The following WWC2 variants were observed in gnomAD, a reference collection of about 807,000 sequenced individuals.
The protein encoded by WWC2 is WW and C2 domain containing 2.
Under a neutral mutation model 138.5 loss-of-function variants are expected in WWC2, and 101 were observed. The observed-to-expected ratio is 0.73, with a 90% CI of 0.62 to 0.86. WWC2 has a LOEUF of 0.86. WWC2 is among the 40% of genes least tolerant of loss of function. The pLI is 0.00. For synonymous variants in WWC2, 558 were observed against 538.4 expected (o/e 1.04, Z -0.50); for missense variants, 1,420 against 1,419.4 (o/e 1.00, Z -0.01).
In WWC2 at chr4:183,243,736, ACTGTGTGTGTGTGT is replaced by A. The variant is rs1317507865; in HGVS notation, c.603-1679_603-1666del. Reference sequence around the variant, plus strand: ...TTTAGGGGCCCTCCCCATTCTAAACACTGTGTGTGTGTGTGTGTGTGTGTGTGTGTGTGTGTGTG... The same window carrying A: ...TTTAGGGGCCCTCCCCATTCTAAACAGTGTGTGTGTGTGTGTGTGTGTGTG... On this transcript the variant is annotated intron_variant, in intron 5 of 22. Coordinates refer to ENST00000403733, the MANE Select transcript of WWC2 (RefSeq NM_024949.6). Among the ~76,000 whole-genome samples, 422 of 115,300 alleles carry A rather than the reference ACTGTGTGTGTGTGT, an allele frequency of 3.7e-3. 3 individuals are homozygous for A. The highest frequency in any genetic ancestry group is 0.014 in the African/African-American group (398 of 29,368). 75.6% of individuals were successfully genotyped at this position (115,300 alleles called of 152,430 possible). A position where few individuals can be genotyped will look rare whatever the true frequency, so the allele number is the denominator to read the frequency against.
intron 2 of WWC2, among the ~76,000 whole-genome samples, chr4:183,203,192 T>A (rs1040778029): frequency 1.4e-5 from 2 of 147,898 alleles, no homozygotes; most frequent in South Asian, 2.2e-4. Flanking sequence ...TTTTTTTTTT[T>A]AAACTTTCAT....
At position 183,254,195 on chromosome 4, in the gene WWC2, G is replaced by A. The variant is rs138520070; in HGVS notation, c.1196+196G>A. On this transcript the variant is annotated intron_variant, in intron 9 of 22. Transcript: ENST00000403733. Reference sequence around the variant, plus strand: ...AGGATAAGTTCTGTGTTTTAGGAACGTGCAAAACCTGTGACAGATGTTGAA... The same window carrying A: ...AGGATAAGTTCTGTGTTTTAGGAACATGCAAAACCTGTGACAGATGTTGAA... Among the ~76,000 whole-genome samples, 360 of 152,304 alleles carry A rather than the reference G, an allele frequency of 2.4e-3. 2 individuals are homozygous for A. Among genetic ancestry groups the A allele is most frequent in the African/African-American group, 8.0e-3 (333 of 41,564 alleles).
At chr4:183,219,813 G>T (rs1735871416) in intron 4 of WWC2, among the ~76,000 whole-genome samples, 1 of 152,044 alleles carries the variant, frequency 6.6e-6, no homozygotes, top group African/African-American at 2.4e-5. Flanking sequence ...ATCCTCCAAG[G>T]TTTTCCCCTC....
intron 7 of WWC2, 82 bp from the exon 8 acceptor site, chr4:183,249,838 A>C (rs375438927): frequency 6.2e-6 from 7 of 1,134,752 alleles, no homozygotes; most frequent in South Asian, 2.9e-5. Context: ...TTTCAATTAC[A>C]CATACTTCCC....
intron 1 of WWC2, among the ~76,000 whole-genome samples, chr4:183,159,283 T>G (rs1268546969): frequency 6.6e-6 from 1 of 152,216 alleles, no homozygotes; most frequent in Non-Finnish European, 1.5e-5. Context: ...ATTTATGTAG[T>G]CCCACTTGTT....
chr4:183,162,192 G>GT (rs5864818), intron 1 of WWC2, among the ~76,000 whole-genome samples: 3 of 151,982 alleles, frequency 2.0e-5, no homozygotes, highest in African/African-American at 4.8e-5. Flanking sequence ...TACCCGATTA[G>GT]TTTTTTTTTA....
At chr4:183,192,758 G>A (rs1735024668) in intron 1 of WWC2, among the ~76,000 whole-genome samples, 1 of 152,078 alleles carries the variant, frequency 6.6e-6, no homozygotes, top group Admixed American at 6.5e-5. Flanking sequence ...GTTGACTGAT[G>A]GTGGCCACAC....
At chr4:183,282,636 T>C (rs1738112770) in intron 17 of WWC2, 72 bp from the exon 18 acceptor site, 1 of 1,428,708 alleles carries the variant, frequency 7.0e-7, no homozygotes, top group Non-Finnish European at 9.6e-7. Context: ...GATAACAACT[T>C]AGCATGCCCA....
rs537795633 is a variant in WWC2, at chr4:183,307,656, T to C, written c.3385-4685T>C. On this transcript the variant is annotated intron_variant, in intron 21 of 22. Transcript: ENST00000403733. ...TAACATTCAAAATCAATTATTGTAG[T>C]GAATCACATCAACACCTGCTCATGC... is the stretch of plus-strand genomic sequence containing the variant. Among the ~76,000 whole-genome samples, 5 of 152,344 alleles carry C rather than the reference T, an allele frequency of 3.3e-5. No individual in the cohort carries two copies. The South Asian group carries it at 1.0e-3, about 32-fold the overall frequency.
chr4:183,236,335 G>A (rs770023707), intron 4 of WWC2, among the ~76,000 whole-genome samples: 69 of 152,108 alleles, frequency 4.5e-4, no homozygotes, highest in South Asian at 6.2e-4. Flanking sequence ...TGAATCGGGC[G>A]GCCCCCAGAA....
At chr4:183,222,353 A>C (rs1735958414) in intron 4 of WWC2, among the ~76,000 whole-genome samples, 1 of 151,944 alleles carries the variant, frequency 6.6e-6, no homozygotes, top group Non-Finnish European at 1.5e-5. Flanking sequence ...TTTTATATAT[A>C]TGTAAAATCT....
At chr4:183,210,040 A>T (rs1357088398) in intron 4 of WWC2, among the ~76,000 whole-genome samples, 1 of 152,100 alleles carries the variant, frequency 6.6e-6, no homozygotes, top group African/African-American at 2.4e-5. Context: ...GCATTTCGAG[A>T]TCCACGTTCA....
At chr4:183,197,849 G>A (rs80335006) in intron 2 of WWC2, among the ~76,000 whole-genome samples, 13,237 of 152,112 alleles carry the variant, frequency 0.087, 709 homozygotes, top group Middle Eastern at 0.16. Context: ...ACTTGCCCCC[G>A]CATCAAGGTA....
chr4:183,261,742 T>G (rs1480717634), intron 11 of WWC2, among the ~76,000 whole-genome samples: 1 of 152,248 alleles, frequency 6.6e-6, no homozygotes, highest in African/African-American at 2.4e-5. Flanking sequence ...TTTAGTAGAC[T>G]TAATCATTTA....
intron 4 of WWC2, among the ~76,000 whole-genome samples, chr4:183,220,528 C>A (rs1168069792): frequency 6.7e-6 from 1 of 149,678 alleles, no homozygotes; most frequent in African/African-American, 2.5e-5. Flanking sequence ...CCTAGAGTAT[C>A]CACTTTAAAA....
At chr4:183,146,668 T>G (rs926306857) in intron 1 of WWC2, among the ~76,000 whole-genome samples, 1 of 152,128 alleles carries the variant, frequency 6.6e-6, no homozygotes, top group African/African-American at 2.4e-5. Context: ...CTAAGCCCTT[T>G]TAGATGTCTG....
chr4:183,312,446 C>A lies in WWC2; in HGVS notation c.3490C>A (p.Pro1164Thr). ...CRLREQSQKV[P>T]RQVQSFREKI... is the part of the protein sequence containing the mutation. ...GCTCCGGGAGCAGAGCCAGAAGGTG[C>A]CTCGGCAGGTGCAGTCCTTCAGGTG... is the stretch of plus-strand genomic sequence containing the variant. The change falls in exon 22 of 23, where the codon CCT becomes ACT. Residue 1164 changes from proline to threonine, a missense_variant. Physicochemically the swap from Pro to Thr is conservative, Grantham distance 38. Coordinates refer to ENST00000403733, the MANE Select transcript of WWC2 (RefSeq NM_024949.6). 6.2e-7 allele frequency: 1 copy of A among 1,613,662 alleles called. No individual in the cohort carries two copies. The highest frequency in any genetic ancestry group is 8.5e-7 in the Non-Finnish European group (1 of 1,179,678).
chr4:183,214,725 G>A (rs1005579647), intron 4 of WWC2, among the ~76,000 whole-genome samples: 1 of 151,932 alleles, frequency 6.6e-6, no homozygotes, highest in South Asian at 2.1e-4. Context: ...GTGGGAGGTG[G>A]AGGTTGCGGT....
At chr4:183,272,560 G>A (rs982101441) in intron 16 of WWC2, among the ~76,000 whole-genome samples, 3 of 152,170 alleles carry the variant, frequency 2.0e-5, no homozygotes, top group Non-Finnish European at 4.4e-5. Flanking sequence ...TGTCATCGTC[G>A]CCAAAGAAGC....
Sources: gnomAD v4.1 joint callset for allele counts (sites outside exome capture counted in the v4.1 genomes callset) on GRCh38, gnomAD v4.1.1 for gene constraint, MANE v1.5 for transcripts, NCBI Gene and HGNC (gene_info 2026-07-23, HGNC 2026-07-21) for gene names.